Variants in ZNF7 observed in about 807,000 individuals in gnomAD.
The protein encoded by ZNF7 is zinc finger protein 7.
Under a neutral mutation model 12.0 loss-of-function variants are expected in ZNF7, and 10 were observed. That is an observed-to-expected ratio of 0.83 (90% CI 0.51 to 1.42). ZNF7 has a LOEUF of 1.42. Ranked by LOEUF, ZNF7 falls within the 40% of genes most tolerant of loss-of-function variation. The pLI is 0.00. For synonymous variants in ZNF7, 334 were observed against 295.0 expected, an observed-to-expected ratio of 1.13 and a Z score of -1.35; for missense variants, 854 against 837.2, an observed-to-expected ratio of 1.02 and a Z score of -0.25.
intron 4 of ZNF7, chr8:144,838,049 G>A (rs1326029017): frequency 1.4e-6 from 1 of 693,554 alleles, no homozygotes; most frequent in Admixed American, 2.0e-5. Context: ...TCAGCAAGCA[G>A]GGCCGTGCCC....
At chr8:144,828,844 A>C in intron 1 of ZNF7, 199 bp from the exon 2 acceptor site, 1 of 653,100 alleles carries the variant, frequency 1.5e-6, no homozygotes, top group South Asian at 1.9e-5. Flanking sequence ...TGCCACACAC[A>C]CATACACTCT....
chr8:144,837,157 TTGTG>T, intron 3 of ZNF7: 1 of 365,008 alleles, frequency 2.7e-6, no homozygotes, highest in Non-Finnish European at 5.0e-6. Flanking sequence ...CGCCTGGAGA[TTGTG>T]GGAGTCAGGT....
Position 144,843,107 on chromosome 8 carries a change from G to A in ZNF7, c.2000G>A (p.Cys667Tyr). Residue 667 changes from cysteine (C) to tyrosine (Y), a missense_variant, in exon 5 of 5, where the codon TGT becomes TAT. Physicochemically the swap from Cys to Tyr is radical, Grantham distance 194. Coordinates refer to ENST00000532777, the MANE Select transcript of ZNF7 (RefSeq NM_003416.4). ...GAGAAGCCTTATAAATGCAATGACT[G>A]TGGCAAAGCTTTTAATCGTAGCTCA... ...TGEKPYKCND[C>Y]GKAFNRSSRL... 1.2e-6 allele frequency: 2 copies of A among 1,611,694 alleles called. No homozygotes were observed. Among genetic ancestry groups the A allele is most frequent in the Non-Finnish European group, 1.7e-6 (2 of 1,179,162 alleles).
chr8:144,841,583 T>G lies in ZNF7; in HGVS notation c.476T>G (p.Val159Gly). The G allele has an allele frequency of 6.2e-7, 1 of 1,614,118 alleles. No individual in the cohort carries two copies. Among genetic ancestry groups the G allele is most frequent in the African/African-American group, 1.3e-5 (1 of 75,014 alleles). The part of the protein sequence containing the change: ...QNNCLNEETV[V>G]PKTFTKDAPQ... ...AACTGTTTGAATGAGGAGACTGTGG[T>G]TCCCAAGACCTTCACCAAGGACGCA... The change falls in exon 5 of 5, where the codon GTT becomes GGT. Residue 159 changes from valine to glycine, a missense_variant. By Grantham distance (109) the Val-to-Gly change is moderately radical. Transcript: ENST00000532777.
Position 144,843,056 on chromosome 8 carries a change from T to C in ZNF7, c.1949T>C (p.Ile650Thr), listed in dbSNP as rs1474476700. 1 of 1,614,124 alleles carries C rather than the reference T, an allele frequency of 6.2e-7. No homozygotes were observed. The highest frequency in any genetic ancestry group is 8.5e-7 in the Non-Finnish European group (1 of 1,180,018). The change falls in exon 5 of 5, where the codon ATT (isoleucine) becomes ACT (threonine). Residue 650 changes from isoleucine (I) to threonine (T), a missense_variant. By Grantham distance (89) the Ile-to-Thr change is moderately conservative. Transcript: ENST00000532777. The stretch of plus-strand genomic sequence containing the variant: ...ATATTTAGGTGGCGTTCACACCTAA[T>C]TATACACCAGAGAATTCACACCGGG... The part of the protein sequence containing the change: ...EKIFRWRSHL[I>T]IHQRIHTGEK...
chr8:144,841,934 A>G lies in ZNF7; in HGVS notation c.827A>G (p.Lys276Arg). 1.2e-6 allele frequency: 2 copies of G among 1,614,064 alleles called. No individual in the cohort carries two copies. Among genetic ancestry groups the G allele is most frequent in the Admixed American group, 1.7e-5 (1 of 60,014 alleles). ...NQHQRIHTGE[K>R]PFKCTECGKA... ...CATCAGAGAATCCACACGGGAGAGA[A>G]ACCCTTTAAATGCACTGAGTGTGGA... Residue 276 changes from lysine to arginine, a missense_variant, in exon 5 of 5, where the codon AAA (lysine) becomes AGA (arginine). Physicochemically the swap from Lys to Arg is conservative, Grantham distance 26. Transcript: ENST00000532777.
chr8:144,841,239 TCA>T, intron 4 of ZNF7, 114 bp from the exon 5 acceptor site: 1 of 1,067,320 alleles, frequency 9.4e-7, no homozygotes, highest in Non-Finnish European at 1.3e-6. Flanking sequence ...ACCTGGGGCC[TCA>T]CAGTGCTCAG....
chr8:144,846,923 C>A (rs1265725985), downstream of ZNF7: 6 of 152,218 alleles, frequency 3.9e-5, no homozygotes, highest in Non-Finnish European at 7.3e-5. Context: ...TGGTCTCGAT[C>A]TTCTGACCTC....
At chr8:144,834,476 T>C (rs1462389918) in intron 3 of ZNF7, 1 of 152,246 alleles carries the variant, frequency 6.6e-6, no homozygotes, top group Admixed American at 6.5e-5. Flanking sequence ...CCACAGAATT[T>C]GGCTAAGGAG....
At position 144,842,680 on chromosome 8, in the gene ZNF7, T is replaced by G. The variant is rs1459948670; in HGVS notation, c.1573T>G (p.Tyr525Asp). Residue 525 changes from tyrosine to aspartate, a missense_variant, in exon 5 of 5, where the codon TAC becomes GAC. Coordinates refer to ENST00000532777, the MANE Select transcript of ZNF7 (RefSeq NM_003416.4). The part of the protein sequence containing the change: ...HQRIHKGEKP[Y>D]ECLQCGKAFS... ...GAGAATCCATAAAGGAGAGAAGCCC[T>G]ACGAATGCCTCCAATGCGGAAAAGC... 1 of 1,614,156 alleles carries G rather than the reference T, an allele frequency of 6.2e-7. No individual in the cohort carries two copies. Among genetic ancestry groups the G allele is most frequent in the East Asian group, 2.2e-5 (1 of 44,864 alleles).
chr8:144,832,606 T>A (rs1828570570), intron 3 of ZNF7, among the ~76,000 whole-genome samples: 1 of 151,896 alleles, frequency 6.6e-6, no homozygotes, highest in Non-Finnish European at 1.5e-5. Flanking sequence ...CGGGTGGTTG[T>A]AATCTTGGCT....
chr8:144,831,044 G>C, intron 3 of ZNF7: 1 of 456,244 alleles, frequency 2.2e-6, no homozygotes, highest in Non-Finnish European at 4.4e-6. Context: ...GTGGTGTTGG[G>C]GTTTTCTTCA....
At position 144,843,018 on chromosome 8, in the gene ZNF7, A is replaced by G. The variant is rs1343293630; in HGVS notation, c.1911A>G (p.Glu637=). 3 of 1,614,212 alleles carry G rather than the reference A, an allele frequency of 1.9e-6. No individual in the cohort carries two copies. The highest frequency in any genetic ancestry group is 2.5e-6 in the Non-Finnish European group (3 of 1,180,044). Residue 637 remains glutamate (E), a synonymous_variant, in exon 5 of 5, where the codon GAA becomes GAG. Coordinates refer to ENST00000532777, the MANE Select transcript of ZNF7 (RefSeq NM_003416.4). ...VNTIKKLHQC[E]DCEKIFRWRS... is the part of the protein sequence containing the mutation. ...CTATAAAGAAACTGCATCAGTGTGA[A>G]GACTGTGAGAAGATATTTAGGTGGC...
At chr8:144,837,910 C>G in intron 4 of ZNF7, 2 of 603,172 alleles carry the variant, frequency 3.3e-6, no homozygotes, top group Non-Finnish European at 6.0e-6. Context: ...CCCTTCAGAC[C>G]CTCTCAGGCT....
In ZNF7 at chr8:144,842,806, A is replaced by G; in HGVS notation, c.1699A>G (p.Thr567Ala). The change falls in exon 5 of 5, where the codon ACC becomes GCC. Residue 567 changes from threonine to alanine, a missense_variant. Coordinates refer to ENST00000532777, the MANE Select transcript of ZNF7 (RefSeq NM_003416.4). ...ECGKAFSQNS[T>A]LFQHQIIHAG... ...TGGGAAAGCCTTCAGTCAAAACTCA[A>G]CCCTTTTCCAACACCAGATAATTCA... is the stretch of plus-strand genomic sequence containing the variant. 2 of 1,614,146 alleles carry G rather than the reference A, an allele frequency of 1.2e-6. No individual in the cohort carries two copies. Among genetic ancestry groups the G allele is most frequent in the South Asian group, 1.1e-5 (1 of 91,084 alleles).
rs112701277 is a variant in ZNF7, at chr8:144,843,444, T to G, written c.*276T>G. On this transcript the variant is annotated 3_prime_UTR_variant, in exon 5 of 5. Transcript: ENST00000532777. ...TCTACTAAAAATACAAAAATTTAGC[T>G]GGGCGTGGTGGCAGGCACCTGTGGT... 3.4e-5 allele frequency: 9 copies of G among 262,202 alleles called. No homozygotes were observed. Among genetic ancestry groups the G allele is most frequent in the Admixed American group, 5.1e-5 (1 of 19,704 alleles). 16.2% of individuals were successfully genotyped at this position (262,202 alleles called of 1,614,324 possible).
Position 144,841,429 on chromosome 8 carries a change from G to A in ZNF7, c.322G>A (p.Val108Met), listed in dbSNP as rs905536914. 1.4e-5 allele frequency: 23 copies of A among 1,614,114 alleles called. No individual in the cohort carries two copies. The South Asian group carries it at 2.2e-4, about 15-fold the overall frequency. Reference protein sequence around the residue: ...DILKSESYGTVVRISPQDFPQ... With the variant: ...DILKSESYGTMVRISPQDFPQ... ...CCTAAAATCAGAATCCTATGGGACA[G>A]TGGTCAGAATCTCCCCACAGGACTT... Residue 108 changes from valine (V) to methionine (M), a missense_variant, in exon 5 of 5, where the codon GTG becomes ATG. Val to Met is a conservative substitution (Grantham distance 21). Transcript: ENST00000532777.
intron 1 of ZNF7, 151 bp downstream of exon 1, chr8:144,827,760 G>T: frequency 1.1e-6 from 1 of 876,000 alleles, no homozygotes. Flanking sequence ...GGCCTTGAGC[G>T]CCTGGTGTGG....
At position 144,841,505 on chromosome 8, in the gene ZNF7, A is replaced by T. The variant is rs1273386534; in HGVS notation, c.398A>T (p.Asp133Val). 1.2e-6 allele frequency: 2 copies of T among 1,614,214 alleles called. No homozygotes were observed. Among genetic ancestry groups the T allele is most frequent in the Admixed American group, 3.3e-5 (2 of 60,030 alleles). The change falls in exon 5 of 5, where the codon GAC becomes GTC. Residue 133 changes from aspartate (D) to valine (V), a missense_variant. Physicochemically the swap from Asp to Val is radical, Grantham distance 152. Coordinates refer to ENST00000532777, the MANE Select transcript of ZNF7 (RefSeq NM_003416.4). ...GDVSDSEVWLDSHLGSPGLKV... is the reference protein window; with the variant it reads ...GDVSDSEVWLVSHLGSPGLKV... ...GTTTCTGATTCTGAGGTCTGGTTAG[A>T]CAGTCATCTGGGCAGTCCCGGGCTG...
Sources: allele counts gnomAD v4.1 joint callset (sites outside exome capture counted in the v4.1 genomes callset), GRCh38; gene constraint gnomAD v4.1.1; transcripts MANE v1.5; gene names NCBI Gene and HGNC (gene_info 2026-07-23, HGNC 2026-07-21).